The following PTPRM variants were observed in gnomAD, a reference collection of about 807,000 sequenced individuals.
The protein encoded by PTPRM is receptor-type tyrosine-protein phosphatase mu.
In PTPRM, 47 loss-of-function variants were observed where a neutral mutation model predicts 186.7. The observed-to-expected ratio is 0.25, with a 90% confidence interval of 0.20 to 0.32. The LOEUF (loss-of-function observed/expected upper bound fraction) is 0.32. Ranked by LOEUF, PTPRM falls within the 10% of genes least tolerant of loss-of-function variation. The pLI is 1.00. For synonymous variants in PTPRM, 668 were observed against 674.9 expected (o/e 0.99, Z 0.16); for missense variants, 1,494 against 1,865.0 (o/e 0.80, Z 3.66).
intron 2 of PTPRM, among the ~76,000 whole-genome samples, chr18:7,803,564 T>G (rs2044081671): frequency 6.6e-6 from 1 of 152,178 alleles, no homozygotes; most frequent in Non-Finnish European, 1.5e-5. Flanking sequence ...TTGGGGCTGC[T>G]ATTATTCTGC....
chr18:8,325,214 G>T (rs2095368402), intron 22 of PTPRM, among the ~76,000 whole-genome samples: 1 of 152,098 alleles, frequency 6.6e-6, no homozygotes, highest in African/African-American at 2.4e-5. Context: ...TTGTTATACA[G>T]GTAAACTGCA....
intron 1 of PTPRM, among the ~76,000 whole-genome samples, chr18:7,594,395 G>T (rs571426656): frequency 5.9e-5 from 9 of 151,992 alleles, no homozygotes; most frequent in Non-Finnish European, 1.2e-4. Context: ...TGGGAGAATC[G>T]CTTGAGCCCT....
intron 19 of PTPRM, among the ~76,000 whole-genome samples, chr18:8,278,394 AGATCT>A (rs1316430915): frequency 1.3e-5 from 2 of 152,268 alleles, no homozygotes; most frequent in Non-Finnish European, 1.5e-5. Context: ...GTGTCCTTGT[AGATCT>A]GATACACTGC....
Position 8,384,683 on chromosome 18 carries a change from C to T in PTPRM, c.4041C>T (p.Ala1347=), listed in dbSNP as rs145772022. The T allele has an allele frequency of 5.0e-6, 8 of 1,614,080 alleles. No individual in the cohort carries two copies. Among genetic ancestry groups the T allele is most frequent in the Non-Finnish European group, 6.8e-6 (8 of 1,180,002 alleles). ...ISRIFRIYNA[A]RPQDGYRMVQ... ...GGATATTCCGCATTTACAATGCCGCCAGAGTAAGAGACGGGCCTGTCATGC... is the reference window on the plus strand; with the variant it reads ...GGATATTCCGCATTTACAATGCCGCTAGAGTAAGAGACGGGCCTGTCATGC... The change falls in exon 30 of 33, where the codon GCC becomes GCT. Residue 1347 remains alanine (A), a synonymous_variant. Coordinates refer to ENST00000580170, the MANE Select transcript of PTPRM (RefSeq NM_001105244.2).
At chr18:7,686,527 A>G (rs1361936695) in intron 1 of PTPRM, among the ~76,000 whole-genome samples, 1 of 152,064 alleles carries the variant, frequency 6.6e-6, no homozygotes, top group Non-Finnish European at 1.5e-5. Context: ...TGACTAGTGT[A>G]TAAGAAGGGT....
intron 1 of PTPRM, among the ~76,000 whole-genome samples, chr18:7,581,009 G>C (rs1379807095): frequency 6.6e-6 from 1 of 152,204 alleles, no homozygotes. Flanking sequence ...TGTGCAGTCA[G>C]ATTCTTCTCG....
chr18:7,840,110 G>T (rs1239716744), intron 2 of PTPRM, among the ~76,000 whole-genome samples: 2 of 150,130 alleles, frequency 1.3e-5, no homozygotes, highest in African/African-American at 4.9e-5. Context: ...CAGGGTGATG[G>T]GGGAGGGGTG....
intron 2 of PTPRM, among the ~76,000 whole-genome samples, chr18:7,859,162 G>C (rs757928412): frequency 6.6e-6 from 1 of 152,062 alleles, no homozygotes; most frequent in African/African-American, 2.4e-5. Context: ...TAAAGCTGAC[G>C]CCAACTGTTT....
At chr18:7,949,483 A>G in intron 6 of PTPRM, 128 bp downstream of exon 6, 2 of 739,966 alleles carry the variant, frequency 2.7e-6, no homozygotes, top group South Asian at 3.0e-5. Context: ...ATGACAGGCT[A>G]TTTTGATGGA....
At chr18:7,638,057 T>G (rs2038360523) in intron 1 of PTPRM, among the ~76,000 whole-genome samples, 1 of 152,148 alleles carries the variant, frequency 6.6e-6, no homozygotes, top group South Asian at 2.1e-4. Context: ...CTTATATGAC[T>G]TGAGGGTGAA....
chr18:8,109,499 T>C (rs188147404), intron 11 of PTPRM, among the ~76,000 whole-genome samples: 1 of 152,300 alleles, frequency 6.6e-6, no homozygotes, highest in Admixed American at 6.5e-5. Flanking sequence ...AAGCAGTATG[T>C]CTGGAGTAGA....
intron 2 of PTPRM, among the ~76,000 whole-genome samples, chr18:7,825,124 TAGGAAG>T (rs2045415215): frequency 6.6e-6 from 1 of 152,162 alleles, no homozygotes; most frequent in Non-Finnish European, 1.5e-5. Flanking sequence ...GGAAATTCCC[TAGGAAG>T]AAGTGGCCGG....
chr18:7,860,913 A>G (rs552299419), intron 2 of PTPRM, among the ~76,000 whole-genome samples: 438 of 152,282 alleles, frequency 2.9e-3, no homozygotes, highest in Middle Eastern at 6.8e-3. Context: ...TATGCTGACT[A>G]GTGCTGTCAA....
chr18:8,225,897 A>G (rs2094208106), intron 14 of PTPRM, among the ~76,000 whole-genome samples: 1 of 152,232 alleles, frequency 6.6e-6, no homozygotes, highest in Non-Finnish European at 1.5e-5. Context: ...TTATATGTCA[A>G]AGTATCAGTA....
intron 32 of PTPRM, among the ~76,000 whole-genome samples, chr18:8,397,376 C>T (rs1227358265): frequency 4.6e-5 from 7 of 152,206 alleles, no homozygotes; most frequent in African/African-American, 1.4e-4. Context: ...TGGGAAGATT[C>T]GTCGGTTCGT....
At chr18:8,362,530 C>T (rs181728956) in intron 23 of PTPRM, among the ~76,000 whole-genome samples, 46 of 152,182 alleles carry the variant, frequency 3.0e-4, no homozygotes, top group Admixed American at 1.6e-3. Flanking sequence ...GTCGGAGGAT[C>T]GCGCCCTCCC....
At chr18:7,612,055 C>A (rs1765358904) in intron 1 of PTPRM, among the ~76,000 whole-genome samples, 1 of 152,120 alleles carries the variant, frequency 6.6e-6, no homozygotes, top group Non-Finnish European at 1.5e-5. Flanking sequence ...ATGACTGTAA[C>A]TAAGACCACA....
chr18:8,029,858 T>G (rs1198950897), intron 7 of PTPRM, among the ~76,000 whole-genome samples: 1 of 152,202 alleles, frequency 6.6e-6, no homozygotes, highest in African/African-American at 2.4e-5. Flanking sequence ...GATTGAAACT[T>G]TCCTGCCCCC....
chr18:8,078,178 G>A (rs987086263), intron 9 of PTPRM, among the ~76,000 whole-genome samples: 1 of 152,176 alleles, frequency 6.6e-6, no homozygotes, highest in Admixed American at 6.5e-5. Flanking sequence ...CTACAAGTAG[G>A]AAGGAAGGGA....
Sources: gnomAD v4.1 joint callset for allele counts (sites outside exome capture counted in the v4.1 genomes callset) on GRCh38, gnomAD v4.1.1 for gene constraint, MANE v1.5 for transcripts, NCBI Gene and HGNC (gene_info 2026-07-23, HGNC 2026-07-21) for gene names.